PLG: variants seen among roughly 807,000 people sequenced by gnomAD.
PLG encodes the protein plasminogen, also known as plasmin.
Under a neutral mutation model 104.4 loss-of-function variants are expected in PLG, and 41 were observed. The observed-to-expected ratio is 0.39, with a 90% CI of 0.31 to 0.51. The LOEUF (loss-of-function observed/expected upper bound fraction) is 0.51, where lower values mean the gene tolerates loss of function less well. Among genes scored for constraint, PLG ranks in the 20% least tolerant of loss-of-function variants. PLG has a pLI of 0.76. For synonymous variants in PLG, 337 were observed against 357.1 expected (o/e 0.94, Z 0.63); for missense variants, 891 against 1,003.6 (o/e 0.89, Z 1.52).
At chr6:160,705,263 T>C (rs1376032201) in intron 1 of PLG, 1 of 152,308 alleles carries the variant, frequency 6.6e-6, no homozygotes, top group East Asian at 1.9e-4. Flanking sequence ...CTCAGCCAGA[T>C]GTCTGGAAGA....
intron 10 of PLG, among the ~76,000 whole-genome samples, chr6:160,730,112 C>A (rs940954682): frequency 1.3e-5 from 2 of 152,318 alleles, no homozygotes; most frequent in African/African-American, 4.8e-5. Context: ...GAGGTTGGAG[C>A]AACATTCTTG....
intron 17 of PLG, among the ~76,000 whole-genome samples, chr6:160,747,661 C>T (rs996963905): frequency 6.6e-5 from 10 of 152,230 alleles, no homozygotes; most frequent in South Asian, 2.1e-4. Flanking sequence ...CATTTAAAAA[C>T]GAATGGTCTA....
intron 3 of PLG, among the ~76,000 whole-genome samples, chr6:160,709,365 G>T (rs1425197330): frequency 6.6e-6 from 1 of 152,124 alleles, no homozygotes; most frequent in Non-Finnish European, 1.5e-5. Context: ...ACCACTGGTT[G>T]GGGCTACTTG....
chr6:160,747,505 G>A (rs1167599761), intron 17 of PLG, among the ~76,000 whole-genome samples: 1 of 152,124 alleles, frequency 6.6e-6, no homozygotes, highest in African/African-American at 2.4e-5. Context: ...AGATAGACCT[G>A]GACTAGGCAC....
Position 160,731,350 on chromosome 6 carries a change from T to C in PLG, c.1438+118T>C. ...CGAGAAATCAAGTGTTTTTAGAGGGTCTGCCATGTGGAAGGAAGCCTCAGT... is the reference window on the plus strand; with the variant it reads ...CGAGAAATCAAGTGTTTTTAGAGGGCCTGCCATGTGGAAGGAAGCCTCAGT... On this transcript the variant is annotated intron_variant, in intron 11 of 18. Transcript: ENST00000308192. This position sits in a 1 kb window ranked among gnomAD's most constrained non-coding sequence, Gnocchi z 5.1. 2 of 958,696 alleles carry C rather than the reference T, an allele frequency of 2.1e-6. No individual in the cohort carries two copies. Among genetic ancestry groups the C allele is most frequent in the Non-Finnish European group, 3.3e-6 (2 of 609,692 alleles). The allele number at this position is 958,696 out of a possible 1,614,324, so 59.4% of individuals were successfully genotyped here. A position where few individuals can be genotyped will look rare whatever the true frequency, so the allele number is the denominator to read the frequency against.
intron 5 of PLG, among the ~76,000 whole-genome samples, chr6:160,714,104 A>G (rs1777691945): frequency 1.3e-5 from 2 of 152,208 alleles, no homozygotes; most frequent in South Asian, 2.1e-4. Flanking sequence ...TGTTATATTA[A>G]GTCTGCCCGT....
chr6:160,743,626 C>G (rs893344187), intron 17 of PLG, among the ~76,000 whole-genome samples: 13 of 152,188 alleles, frequency 8.5e-5, no homozygotes, highest in Admixed American at 7.2e-4. Context: ...TTGATTTCCT[C>G]TCTTCCTATC....
At position 160,753,368 on chromosome 6, in the gene PLG, G is replaced by A. The variant is rs1778441377; in HGVS notation, c.*307G>A. On this transcript the variant is annotated 3_prime_UTR_variant, in exon 19 of 19. Coordinates refer to ENST00000308192, the MANE Select transcript of PLG (RefSeq NM_000301.5). The surrounding 1 kb of genome is among the most constrained non-coding windows in gnomAD (Gnocchi z 5.4). The stretch of plus-strand genomic sequence containing the variant: ...CAATTTTTAAATGGGCAGATGGGGG[G>A]ATTTAGCTGCTTTTGATAAGGAACA... 3 of 418,800 alleles carry A rather than the reference G, an allele frequency of 7.2e-6. No homozygotes were observed. Among genetic ancestry groups the A allele is most frequent in the South Asian group, 2.1e-5 (1 of 47,472 alleles). 25.9% of individuals were successfully genotyped at this position (418,800 alleles called of 1,614,324 possible).
At chr6:160,710,223 G>A (rs779677045) in intron 3 of PLG, among the ~76,000 whole-genome samples, 11 of 152,122 alleles carry the variant, frequency 7.2e-5, no homozygotes, top group African/African-American at 9.7e-5. Flanking sequence ...AATGATTCAT[G>A]TTTCAACTTG....
rs1301315505 is a variant in PLG, at chr6:160,738,571, A to C, written c.1836A>C (p.Ile612=). 6.2e-7 allele frequency: 1 copy of C among 1,612,056 alleles called. No individual in the cohort carries two copies. The highest frequency in any genetic ancestry group is 8.5e-7 in the Non-Finnish European group (1 of 1,178,162). Reference sequence around the variant, plus strand: ...TGCACTTCTGTGGAGGCACCTTGATATCCCCAGAGTGGGTGTTGACTGCTG... The same window carrying C: ...TGCACTTCTGTGGAGGCACCTTGATCTCCCCAGAGTGGGTGTTGACTGCTG... ...FGMHFCGGTL[I]SPEWVLTAAH... Residue 612 remains isoleucine (I), a synonymous_variant, in exon 15 of 19, where the codon ATA becomes ATC. Coordinates refer to ENST00000308192, the MANE Select transcript of PLG (RefSeq NM_000301.5). The surrounding 1 kb of genome is among the most constrained non-coding windows in gnomAD (Gnocchi z 6.8).
In PLG at chr6:160,741,423, AT is replaced by A. The variant is rs1672360091; in HGVS notation, c.2125+7del. 2.6e-6 allele frequency: 4 copies of A among 1,540,058 alleles called. No individual in the cohort carries two copies. The African/African-American group carries it at 5.4e-5, about 21-fold the overall frequency. The stretch of plus-strand genomic sequence containing the variant: ...TGGCTGGGGAGAAACCCAAGGTGAG[AT>A]AAATTCCATTGCCCACATAACGAAT... On this transcript the variant is annotated splice_region_variant and intron_variant, in intron 17 of 18. Transcript: ENST00000308192. This position sits in a 1 kb window ranked among gnomAD's most constrained non-coding sequence, Gnocchi z 4.7.
In PLG at chr6:160,724,170, T is replaced by G. The variant is rs1777887383; in HGVS notation, c.1256+1603T>G. ...ACAAATAAACCCCAAAATGAAGAAA[T>G]TGGCAAGAAGATTTGAAATATATAT... is the stretch of plus-strand genomic sequence containing the variant. On this transcript the variant is annotated intron_variant, in intron 10 of 18. Transcript: ENST00000308192. This position sits in a 1 kb window ranked among gnomAD's most constrained non-coding sequence, Gnocchi z 5.0. 6.6e-6 allele frequency among the ~76,000 whole-genome samples: 1 copy of G among 151,848 alleles called. No homozygotes were observed. Among genetic ancestry groups the G allele is most frequent in the African/African-American group, 2.4e-5 (1 of 41,326 alleles).
intron 9 of PLG, 111 bp from the exon 10 acceptor site, chr6:160,722,297 A>G (rs1461425743): frequency 5.5e-6 from 4 of 733,504 alleles, no homozygotes; most frequent in Non-Finnish European, 9.9e-6. Context: ...AATACAGAAA[A>G]GAGAACAGTC....
chr6:160,718,604 G>T (rs953069776), intron 8 of PLG, 89 bp from the exon 9 acceptor site: 45 of 1,457,454 alleles, frequency 3.1e-5, no homozygotes, highest in Non-Finnish European at 3.6e-5. Context: ...ACTTTAGCAC[G>T]TTTTTTCCCG....
chr6:160,746,533 T>G (rs1213459819), intron 17 of PLG, among the ~76,000 whole-genome samples: 1 of 152,242 alleles, frequency 6.6e-6, no homozygotes, highest in Non-Finnish European at 1.5e-5. Flanking sequence ...AGCTTCTATA[T>G]CATTTTATTG....
chr6:160,718,605 T>G, intron 8 of PLG, 88 bp from the exon 9 acceptor site: 1 of 1,463,216 alleles, frequency 6.8e-7, no homozygotes, highest in Non-Finnish European at 9.6e-7. Context: ...CTTTAGCACG[T>G]TTTTTCCCGT....
chr6:160,739,819 CA>C lies in PLG; in HGVS notation c.2018+618del. ...CAAAAAAAAAACAACTTCACAATGT[CA>C]AAAAAATCACAAATACAGTTTATAA... On this transcript the variant is annotated intron_variant, in intron 16 of 18. Transcript: ENST00000308192. This position sits in a 1 kb window ranked among gnomAD's most constrained non-coding sequence, Gnocchi z 4.4. Among the ~76,000 whole-genome samples the C allele has an allele frequency of 6.6e-6, 1 of 150,594 alleles. No homozygotes were observed.
Position 160,731,305 on chromosome 6 carries a change from C to A in PLG, c.1438+73C>A. 7.8e-7 allele frequency: 1 copy of A among 1,289,326 alleles called. No individual in the cohort carries two copies. The highest frequency in any genetic ancestry group is 1.1e-6 in the Non-Finnish European group (1 of 886,134). The allele number at this position is 1,289,326 out of a possible 1,614,324, so 79.9% of individuals were successfully genotyped here. The stretch of plus-strand genomic sequence containing the variant: ...AAAGCCATGGAAAATCTCACTGATG[C>A]AGAAACCTTCCATGCTACACGAGAA... On this transcript the variant is annotated intron_variant, in intron 11 of 18. Coordinates refer to ENST00000308192, the MANE Select transcript of PLG (RefSeq NM_000301.5). The surrounding 1 kb of genome is among the most constrained non-coding windows in gnomAD (Gnocchi z 5.1).
rs116665515 is a variant in PLG, at chr6:160,741,119, C to T, written c.2019-192C>T. Among the ~76,000 whole-genome samples the T allele has an allele frequency of 3.7e-4, 57 of 152,332 alleles. No homozygotes were observed. The highest frequency in any genetic ancestry group is 1.3e-3 in the African/African-American group (54 of 41,578). ...CTGATGCCTTTCAAATGAAACCTTACATCTGCATAGTCCATAGACAACCAC... is the reference window on the plus strand; with the variant it reads ...CTGATGCCTTTCAAATGAAACCTTATATCTGCATAGTCCATAGACAACCAC... On this transcript the variant is annotated intron_variant, in intron 16 of 18. Coordinates refer to ENST00000308192, the MANE Select transcript of PLG (RefSeq NM_000301.5). The surrounding 1 kb of genome is among the most constrained non-coding windows in gnomAD (Gnocchi z 4.7).
Sources: gnomAD v4.1 joint callset for allele counts (sites outside exome capture counted in the v4.1 genomes callset) on GRCh38, gnomAD v4.1.1 for gene constraint, Gnocchi (gnomAD v3.1) non-coding constraint, MANE v1.5 for transcripts, NCBI Gene and HGNC (gene_info 2026-07-23, HGNC 2026-07-21) for gene names.